USP12: variants seen among roughly 807,000 people sequenced by gnomAD.
USP12 encodes ubiquitin specific peptidase 12.
In USP12, 19 loss-of-function variants were observed where a neutral mutation model predicts 45.5. That is an observed-to-expected ratio of 0.42 (90% CI 0.29 to 0.61). The LOEUF (loss-of-function observed/expected upper bound fraction) is 0.61, where lower values mean the gene tolerates loss of function less well. Ranked by LOEUF, USP12 falls within the 20% of genes least tolerant of loss-of-function variation. The pLI is 0.22. For synonymous variants in USP12, 149 were observed against 148.8 expected, an observed-to-expected ratio of 1.00 and a Z score of -0.01; for missense variants, 242 against 447.7, an observed-to-expected ratio of 0.54 and a Z score of 4.15.
At chr13:27,071,976 A>G (rs1180447413) in intron 7 of USP12, among the ~76,000 whole-genome samples, 4 of 152,202 alleles carry the variant, frequency 2.6e-5, no homozygotes, top group Non-Finnish European at 5.9e-5. Flanking sequence ...CTTTATGGTG[A>G]ACACTATTTT....
intron 1 of USP12, among the ~76,000 whole-genome samples, chr13:27,154,768 C>T (rs556202376): frequency 1.3e-5 from 2 of 152,248 alleles, no homozygotes; most frequent in South Asian, 2.1e-4. Context: ...TAAAATCAAA[C>T]GACCTTGAGA....
intron 1 of USP12, chr13:27,170,063 C>A (rs1878518314): frequency 2.8e-6 from 1 of 358,294 alleles, no homozygotes; most frequent in Non-Finnish European, 5.0e-6. Flanking sequence ...TAATAATTGG[C>A]GTATCTAAAA....
rs558741932 is a variant in USP12, at chr13:27,066,891, C to A, written c.*2392G>T. On this transcript the variant is annotated 3_prime_UTR_variant, in exon 9 of 9. Coordinates refer to ENST00000282344, the MANE Select transcript of USP12 (RefSeq NM_182488.4). ...CTATACCTGTATTTTTCCCCCAACC[C>A]TGACCCTATACGTTTTAAAAGTACA... 6.6e-6 allele frequency: 1 copy of A among 152,304 alleles called. No individual in the cohort carries two copies. Among genetic ancestry groups the A allele is most frequent in the African/African-American group, 2.4e-5 (1 of 41,572 alleles). The allele number at this position is 152,304 out of a possible 1,614,324, so 9.4% of individuals were successfully genotyped here. A position where few individuals can be genotyped will look rare whatever the true frequency, so the allele number is the denominator to read the frequency against.
At chr13:27,102,227 G>A (rs1345577281) in intron 3 of USP12, among the ~76,000 whole-genome samples, 8 of 152,098 alleles carry the variant, frequency 5.3e-5, no homozygotes, top group Admixed American at 5.2e-4. Context: ...GTCAACTCTA[G>A]CTAACACAAT....
intron 3 of USP12, among the ~76,000 whole-genome samples, chr13:27,103,316 T>C (rs555694968): frequency 8.5e-5 from 13 of 152,316 alleles, no homozygotes; most frequent in African/African-American, 3.1e-4. Context: ...TATTCTTCTC[T>C]ACACAATTCT....
intron 1 of USP12, among the ~76,000 whole-genome samples, chr13:27,134,706 A>G (rs1876713704): frequency 6.6e-6 from 1 of 152,056 alleles, no homozygotes. Context: ...ATTTGATGTC[A>G]TGATTGTACA....
At chr13:27,078,652 C>T (rs79825328) in intron 6 of USP12, among the ~76,000 whole-genome samples, 2 of 151,046 alleles carry the variant, frequency 1.3e-5, no homozygotes, top group South Asian at 4.2e-4. Context: ...AGGAGTCTTA[C>T]CAGAAATAAA....
intron 6 of USP12, 160 bp downstream of exon 6, chr13:27,089,723 T>C: frequency 4.7e-6 from 3 of 643,044 alleles, no homozygotes; most frequent in Non-Finnish European, 8.0e-6. Flanking sequence ...TTGAGTAGAA[T>C]ATCATTTACC....
chr13:27,079,229 T>TGGGGGGGGGGGG (rs1215824218), intron 6 of USP12, among the ~76,000 whole-genome samples: 1 of 45,998 alleles, frequency 2.2e-5, no homozygotes, highest in African/African-American at 8.0e-5. Context: ...CGGGGGGGAG[T>TGGGGGGGGGGGG]GGGGGGAGAG....
chr13:27,106,042 C>T (rs1371444699), intron 2 of USP12, 98 bp from the exon 3 acceptor site: 15 of 985,016 alleles, frequency 1.5e-5, no homozygotes, highest in East Asian at 5.2e-5. Context: ...AGATGACAAT[C>T]GGTTACTACT....
rs375759075 is a variant in USP12 at position 27,130,539 on chromosome 13, C to CA, written c.49-13944dup. ...AAACTGTTCAGTTCTCACACACACACAAAAAAAATCACAAAACATGCCAAA... is the reference window on the plus strand; with the variant it reads ...AAACTGTTCAGTTCTCACACACACACAAAAAAAAATCACAAAACATGCCAAA... On this transcript the variant is annotated intron_variant, in intron 1 of 8. Coordinates refer to ENST00000282344, the MANE Select transcript of USP12 (RefSeq NM_182488.4). Among the ~76,000 whole-genome samples the CA allele has an allele frequency of 6.7e-3, 771 of 115,642 alleles. 10 individuals carry two copies. The highest frequency in any genetic ancestry group is 0.028 in the Admixed American group (291 of 10,332). The allele number at this position is 115,642 out of a possible 152,430, so 75.9% of individuals were successfully genotyped here. A position where few individuals can be genotyped will look rare whatever the true frequency, so the allele number is the denominator to read the frequency against.
rs375248356 is a variant in USP12 at position 27,075,252 on chromosome 13, C to G, written c.871G>C (p.Gly291Arg). 4.3e-6 allele frequency: 7 copies of G among 1,613,870 alleles called. No homozygotes were observed. The African/African-American group carries it at 9.3e-5, about 22-fold the overall frequency. The stretch of plus-strand genomic sequence containing the variant: ...ATTCTGTCTGGATTGGTGGCATCAC[C>G]TGAAGTGTTAAACAGACGAAGTTCT... ...PLELRLFNTS[G>R]DATNPDRMYD... The change falls in exon 7 of 9, where the codon GGT becomes CGT. Residue 291 changes from glycine (G) to arginine (R), a missense_variant. Gly to Arg is a moderately radical substitution (Grantham distance 125, BLOSUM62 -2). Transcript: ENST00000282344.
intron 1 of USP12, among the ~76,000 whole-genome samples, chr13:27,163,711 G>C (rs985379732): frequency 6.8e-6 from 1 of 146,948 alleles, no homozygotes; most frequent in Non-Finnish European, 1.5e-5. Flanking sequence ...GGGAGGCCAA[G>C]GCAGGAGGAT....
intron 1 of USP12, among the ~76,000 whole-genome samples, chr13:27,154,037 T>G (rs1363252384): frequency 6.6e-6 from 1 of 151,374 alleles, no homozygotes; most frequent in Non-Finnish European, 1.5e-5. Flanking sequence ...CTTTAACCAT[T>G]AAAAATCTAT....
intron 6 of USP12, among the ~76,000 whole-genome samples, chr13:27,085,619 T>C (rs1873976436): frequency 6.6e-6 from 1 of 152,070 alleles, no homozygotes; most frequent in African/African-American, 2.4e-5. Context: ...ATTAAATGAA[T>C]TGCTCAATAT....
chr13:27,076,918 T>A (rs975410851), intron 6 of USP12, among the ~76,000 whole-genome samples: 1 of 152,194 alleles, frequency 6.6e-6, no homozygotes, highest in African/African-American at 2.4e-5. Flanking sequence ...AATCCACCAA[T>A]ATAAATTAGG....
intron 1 of USP12, among the ~76,000 whole-genome samples, chr13:27,157,453 C>T (rs1328420066): frequency 6.6e-6 from 1 of 152,090 alleles, no homozygotes. Flanking sequence ...ATCAGAAGTA[C>T]TTTTCATTAG....
At chr13:27,116,453 G>C in intron 2 of USP12, 63 bp downstream of exon 2, 6 of 1,431,462 alleles carry the variant, frequency 4.2e-6, no homozygotes, top group Non-Finnish European at 5.8e-6. Context: ...CTTATGGAAT[G>C]CATTCATCGT....
At chr13:27,155,636 T>G (rs1234172220) in intron 1 of USP12, among the ~76,000 whole-genome samples, 1 of 152,200 alleles carries the variant, frequency 6.6e-6, no homozygotes, top group Non-Finnish European at 1.5e-5. Flanking sequence ...ACAGGAGTAG[T>G]AAATATATAA....
Sources: allele counts gnomAD v4.1 joint callset (sites outside exome capture counted in the v4.1 genomes callset), GRCh38; gene constraint gnomAD v4.1.1; transcripts MANE v1.5; gene names NCBI Gene and HGNC (gene_info 2026-07-23, HGNC 2026-07-21).